ADCY8: variants seen among roughly 807,000 people sequenced by gnomAD.
The protein encoded by ADCY8 is adenylate cyclase type 8.
ADCY8 carries 51 observed loss-of-function variants against 119.7 expected under a neutral mutation model. The observed-to-expected ratio is 0.43, with a 90% CI of 0.34 to 0.54. The LOEUF (loss-of-function observed/expected upper bound fraction) is 0.54, where lower values mean the gene tolerates loss of function less well. Among genes scored for constraint, ADCY8 ranks in the 20% least tolerant of loss-of-function variants. ADCY8 has a pLI of 0.03. For synonymous variants in ADCY8, 665 were observed against 651.0 expected, an observed-to-expected ratio of 1.02 and a Z score of -0.33; for missense variants, 1,383 against 1,598.8, an observed-to-expected ratio of 0.87 and a Z score of 2.30.
intron 14 of ADCY8, 59 bp downstream of exon 14, chr8:130,814,010 A>G (rs1816256763): frequency 9.4e-6 from 15 of 1,593,378 alleles, no homozygotes; most frequent in Non-Finnish European, 1.2e-5. Context: ...ATCAATGTGA[A>G]CAACTGCACA....
intron 11 of ADCY8, among the ~76,000 whole-genome samples, chr8:130,847,189 A>C (rs115278211): frequency 0.033 from 5,018 of 152,124 alleles, 113 homozygotes; most frequent in South Asian, 0.082. Context: ...GGAAGGGGTG[A>C]AGATGAAAAA....
intron 15 of ADCY8, among the ~76,000 whole-genome samples, chr8:130,795,192 C>A (rs375159920): frequency 6.6e-6 from 1 of 152,252 alleles, no homozygotes; most frequent in Non-Finnish European, 1.5e-5. Flanking sequence ...CGTCGATCAT[C>A]TGTTTCTCTG....
intron 7 of ADCY8, among the ~76,000 whole-genome samples, chr8:130,901,608 A>T (rs1195255047): frequency 1.3e-5 from 2 of 152,202 alleles, no homozygotes; most frequent in Non-Finnish European, 2.9e-5. Context: ...TATGTCTCTG[A>T]ATTGCACATA....
intron 9 of ADCY8, among the ~76,000 whole-genome samples, chr8:130,855,636 C>T (rs533341955): frequency 1.3e-5 from 2 of 151,682 alleles, no homozygotes; most frequent in East Asian, 2.0e-4. Flanking sequence ...GTGTGAGGCT[C>T]GCTTCTCGTG....
intron 4 of ADCY8, 55 bp downstream of exon 4, chr8:130,943,296 C>T (rs1821010725): frequency 8.0e-7 from 1 of 1,249,200 alleles, no homozygotes; most frequent in Non-Finnish European, 1.2e-6. Flanking sequence ...TTCCTTATTC[C>T]ATATGCAGTC....
intron 2 of ADCY8, among the ~76,000 whole-genome samples, chr8:130,960,461 A>C (rs62518147): frequency 0.78 from 119,194 of 151,938 alleles, 50,151 homozygotes; most frequent in East Asian, 0.95. Flanking sequence ...TATCCTGGGA[A>C]TATCATTATG....
Position 130,780,646 on chromosome 8 carries a change from G to A in ADCY8, c.3500C>T (p.Thr1167Met), listed in dbSNP as rs1356343883. Residue 1167 changes from threonine to methionine, a missense_variant, in exon 18 of 18, where the codon ACG becomes ATG. Around this residue, in one of 2 missense-constraint regions of ADCY8, gnomAD observed 928 missense variants for 1,163.5 expected, o/e 0.80. Coordinates refer to ENST00000286355, the MANE Select transcript of ADCY8 (RefSeq NM_001115.3). The part of the protein sequence containing the change: ...GISEQEGKIK[T>M]YFLLGRVQPN... ...TTGGACTCTTCCCAGAAGAAAGTAC[G>A]TTTTGATTTTTCCTTCCTGTTCACT... The A allele has an allele frequency of 1.9e-6, 3 of 1,614,062 alleles. No homozygotes were observed. Among genetic ancestry groups the A allele is most frequent in the African/African-American group, 1.3e-5 (1 of 74,932 alleles).
intron 9 of ADCY8, among the ~76,000 whole-genome samples, chr8:130,859,322 A>G (rs999045968): frequency 4.6e-5 from 7 of 152,216 alleles, no homozygotes; most frequent in Non-Finnish European, 8.8e-5. Flanking sequence ...CTTCATTTGC[A>G]TGTAAACTTC....
At chr8:131,004,680 T>G (rs1823059307) in intron 1 of ADCY8, among the ~76,000 whole-genome samples, 1 of 152,200 alleles carries the variant, frequency 6.6e-6, no homozygotes, top group South Asian at 2.1e-4. Context: ...GGTCAAGCAG[T>G]GTGCTAGGGT....
At chr8:130,795,564 C>T (rs1189910991) in intron 15 of ADCY8, among the ~76,000 whole-genome samples, 1 of 152,218 alleles carries the variant, frequency 6.6e-6, no homozygotes, top group Non-Finnish European at 1.5e-5. Context: ...TTCTGATTCT[C>T]TAGCTTTTGC....
At chr8:130,801,899 C>CTTTTTTTTTT (rs34853195) in intron 14 of ADCY8, among the ~76,000 whole-genome samples, 2 of 97,792 alleles carry the variant, frequency 2.0e-5, no homozygotes, top group Non-Finnish European at 3.9e-5. Context: ...TTGAGAATGC[C>CTTTTTTTTTT]TTTTTTTTTT....
At chr8:130,804,110 C>T (rs1183971020) in intron 14 of ADCY8, among the ~76,000 whole-genome samples, 1 of 152,222 alleles carries the variant, frequency 6.6e-6, no homozygotes, top group African/African-American at 2.4e-5. Flanking sequence ...GTGCATCCTC[C>T]TAATGGCTGT....
intron 14 of ADCY8, among the ~76,000 whole-genome samples, chr8:130,807,983 C>CAAAAAAAAAAAAAAAAAAA (rs752321769): frequency 2.1e-5 from 1 of 47,238 alleles, no homozygotes; most frequent in Non-Finnish European, 4.0e-5. Flanking sequence ...GACTCCGTCT[C>CAAAAAAAAAAAAAAAAAAA]AAAAAAAAAA....
intron 1 of ADCY8, among the ~76,000 whole-genome samples, chr8:130,992,706 C>T (rs889994363): frequency 4.0e-5 from 6 of 151,638 alleles, no homozygotes; most frequent in African/African-American, 4.8e-5. Flanking sequence ...TGAGCCACCA[C>T]GGACAGCCAA....
intron 8 of ADCY8, among the ~76,000 whole-genome samples, chr8:130,868,792 T>G (rs529418190): frequency 5.3e-5 from 8 of 152,306 alleles, no homozygotes; most frequent in African/African-American, 9.6e-5. Context: ...ATTTTATTTT[T>G]GGGGGATAGA....
At chr8:131,000,629 G>A (rs1177294830) in intron 1 of ADCY8, among the ~76,000 whole-genome samples, 1 of 152,104 alleles carries the variant, frequency 6.6e-6, no homozygotes, top group Non-Finnish European at 1.5e-5. Flanking sequence ...AATGACGCAA[G>A]TGGTAAAGCT....
chr8:130,834,161 A>T (rs746320751), intron 12 of ADCY8, among the ~76,000 whole-genome samples: 9 of 152,228 alleles, frequency 5.9e-5, no homozygotes, highest in Non-Finnish European at 8.8e-5. Context: ...TACCATAAGT[A>T]TATACAATTA....
At chr8:130,917,331 T>G (rs1167857940) in intron 5 of ADCY8, among the ~76,000 whole-genome samples, 3 of 152,190 alleles carry the variant, frequency 2.0e-5, no homozygotes, top group Non-Finnish European at 4.4e-5. Flanking sequence ...CTTACATCAA[T>G]GTGGTTTATT....
At chr8:130,969,127 G>T (rs1233915398) in intron 2 of ADCY8, among the ~76,000 whole-genome samples, 3 of 152,152 alleles carry the variant, frequency 2.0e-5, no homozygotes, top group Non-Finnish European at 4.4e-5. Flanking sequence ...TTCTGTGAAG[G>T]TGATTTTGGA....
Sources: gnomAD v4.1 joint callset for allele counts (sites outside exome capture counted in the v4.1 genomes callset) on GRCh38, gnomAD v4.1.1 for gene constraint, gnomAD v4.1.1 regional missense constraint, MANE v1.5 for transcripts, NCBI Gene and HGNC (gene_info 2026-07-23, HGNC 2026-07-21) for gene names.